The following DPYSL3 variants were observed in gnomAD, a reference collection of about 807,000 sequenced individuals.
DPYSL3 encodes dihydropyrimidinase-related protein 3.
In DPYSL3, 16 loss-of-function variants were observed where a neutral mutation model predicts 66.1. That is an observed-to-expected ratio of 0.24 (90% CI 0.16 to 0.37). DPYSL3 has a LOEUF of 0.37. Among genes scored for constraint, DPYSL3 ranks in the 10% least tolerant of loss-of-function variants. The probability of loss-of-function intolerance (pLI) is 1.00; values close to 1 mark genes in which losing one functional copy is unlikely to be tolerated. For missense variants in DPYSL3, 738 were observed against 916.2 expected (o/e 0.81, Z 2.51); for synonymous variants, 338 against 345.1 (o/e 0.98, Z 0.23).
intron 1 of DPYSL3, among the ~76,000 whole-genome samples, chr5:147,469,290 T>A (rs755791253): frequency 3.3e-5 from 5 of 152,234 alleles, no homozygotes; most frequent in Admixed American, 6.5e-5. Context: ...AGAGGCCACT[T>A]GTTGCCCTGA....
intron 1 of DPYSL3, among the ~76,000 whole-genome samples, chr5:147,443,712 T>G (rs1752577002): frequency 6.6e-6 from 1 of 152,088 alleles, no homozygotes; most frequent in African/African-American, 2.4e-5. Flanking sequence ...AAGATATATT[T>G]AAGAGAATGG....
intron 2 of DPYSL3, among the ~76,000 whole-genome samples, chr5:147,421,720 T>A (rs896168212): frequency 2.0e-5 from 3 of 152,178 alleles, no homozygotes; most frequent in African/African-American, 7.2e-5. Context: ...TCTACAACTA[T>A]TTGATCCTTG....
intron 13 of DPYSL3, 47 bp from the exon 14 acceptor site, chr5:147,394,170 C>T (rs779961117): frequency 2.0e-5 from 32 of 1,590,808 alleles, no homozygotes; most frequent in African/African-American, 1.1e-4. Context: ...AACAGAGTGG[C>T]GGGTAGGGGG....
At chr5:147,413,294 T>C (rs1751893846) in intron 5 of DPYSL3, among the ~76,000 whole-genome samples, 1 of 152,182 alleles carries the variant, frequency 6.6e-6, no homozygotes, top group Non-Finnish European at 1.5e-5. Context: ...CCTCACACTT[T>C]CACTGGGCTT....
At chr5:147,493,017 T>C (rs1446631182) in intron 1 of DPYSL3, among the ~76,000 whole-genome samples, 1 of 152,146 alleles carries the variant, frequency 6.6e-6, no homozygotes, top group Non-Finnish European at 1.5e-5. Context: ...ATGCTAACAC[T>C]AATCAAAAGA....
Position 147,393,880 on chromosome 5 carries a change from G to A in DPYSL3, c.*155C>T. ...AAGCAATATTCGTAAAGCTAGGCAAGCGAGCGTAACATTGGAGAAACATAA... is the reference window on the plus strand; with the variant it reads ...AAGCAATATTCGTAAAGCTAGGCAAACGAGCGTAACATTGGAGAAACATAA... On this transcript the variant is annotated 3_prime_UTR_variant, in exon 14 of 14. Coordinates refer to ENST00000343218, the MANE Select transcript of DPYSL3 (RefSeq NM_001197294.2). The A allele has an allele frequency of 2.7e-6, 2 of 748,242 alleles. No individual in the cohort carries two copies. Among genetic ancestry groups the A allele is most frequent in the Non-Finnish European group, 4.4e-6 (2 of 456,074 alleles). The allele number at this position is 748,242 out of a possible 1,614,324, so 46.4% of individuals were successfully genotyped here. A position where few individuals can be genotyped will look rare whatever the true frequency, so the allele number is the denominator to read the frequency against.
intron 1 of DPYSL3, among the ~76,000 whole-genome samples, chr5:147,437,552 C>A (rs1752434964): frequency 6.6e-6 from 1 of 152,188 alleles, no homozygotes; most frequent in South Asian, 2.1e-4. Flanking sequence ...GAACACTCAG[C>A]TGTGGTGCTC....
intron 4 of DPYSL3, among the ~76,000 whole-genome samples, chr5:147,414,813 C>A (rs547610860): frequency 6.6e-6 from 1 of 152,000 alleles, no homozygotes; most frequent in Non-Finnish European, 1.5e-5. Context: ...CCCTGCCATC[C>A]CAGGGCACAC....
At chr5:147,394,305 G>T (rs537854838) in intron 13 of DPYSL3, among the ~76,000 whole-genome samples, 182 bp from the exon 14 acceptor site, 2 of 152,106 alleles carry the variant, frequency 1.3e-5, no homozygotes, top group Non-Finnish European at 2.9e-5. Context: ...TTATGGCCCC[G>T]AAAACTAGCC....
At chr5:147,459,557 A>T (rs1752901903) in intron 1 of DPYSL3, among the ~76,000 whole-genome samples, 1 of 152,208 alleles carries the variant, frequency 6.6e-6, no homozygotes, top group Non-Finnish European at 1.5e-5. Flanking sequence ...CATTGAATAC[A>T]GAAATAAACT....
chr5:147,426,444 G>C (rs544262672), intron 1 of DPYSL3, among the ~76,000 whole-genome samples: 2 of 152,212 alleles, frequency 1.3e-5, no homozygotes, highest in Non-Finnish European at 2.9e-5. Context: ...AAAATACACT[G>C]AGACATATGT....
In DPYSL3 at chr5:147,395,642, G is replaced by A. The variant is rs1259355479; in HGVS notation, c.1883C>T (p.Thr628Ile). Reference protein sequence around the residue: ...FDLTTTPKGGTPAGSARGSPT... With the variant: ...FDLTTTPKGGIPAGSARGSPT... ...AGAGCCCCGAGCAGAGCCTGCGGGG[G>A]TGCCACCTTTGGGGGTGGTGGTCAG... The change falls in exon 13 of 14, where the codon ACC becomes ATC. Residue 628 changes from threonine (T) to isoleucine (I), a missense_variant. Physicochemically the swap from Thr to Ile is moderately conservative, Grantham distance 89 (BLOSUM62 -1). Coordinates refer to ENST00000343218, the MANE Select transcript of DPYSL3 (RefSeq NM_001197294.2). 3 of 1,613,998 alleles carry A rather than the reference G, an allele frequency of 1.9e-6. No individual in the cohort carries two copies. In the Admixed American group the frequency reaches 5.0e-5, roughly 27 times the overall value.
chr5:147,400,414 A>C (rs910440106), intron 10 of DPYSL3, among the ~76,000 whole-genome samples: 2 of 152,248 alleles, frequency 1.3e-5, no homozygotes, highest in African/African-American at 4.8e-5. Context: ...TTTTAAGTAC[A>C]GGCTATTCGT....
chr5:147,420,504 G>C (rs893416272), intron 2 of DPYSL3, among the ~76,000 whole-genome samples: 1 of 152,156 alleles, frequency 6.6e-6, no homozygotes, highest in South Asian at 2.1e-4. Flanking sequence ...GGGGAAGACA[G>C]CATGATGATT....
intron 1 of DPYSL3, among the ~76,000 whole-genome samples, chr5:147,468,142 G>A (rs1753037270): frequency 6.6e-6 from 1 of 152,200 alleles, no homozygotes. Flanking sequence ...AAAGGTGCTA[G>A]TTAATAGAAC....
intron 2 of DPYSL3, among the ~76,000 whole-genome samples, chr5:147,424,202 C>A (rs115928744): frequency 0.02 from 3,079 of 152,236 alleles, 45 homozygotes; most frequent in Middle Eastern, 0.041. Context: ...AAAAATAAAA[C>A]TAAAAGAGGC....
chr5:147,472,481 A>G (rs1186418061), intron 1 of DPYSL3, among the ~76,000 whole-genome samples: 2 of 152,100 alleles, frequency 1.3e-5, no homozygotes, highest in South Asian at 4.1e-4. Flanking sequence ...TTTGCTTCCA[A>G]CCTCTTTGGG....
chr5:147,401,468 T>C (rs932325786), intron 9 of DPYSL3, 72 bp downstream of exon 9: 2 of 1,496,178 alleles, frequency 1.3e-6, no homozygotes, highest in Admixed American at 2.2e-5. Flanking sequence ...GGACTGCTCC[T>C]GTCCTCAACC....
chr5:147,485,001 A>T (rs1054454277), intron 1 of DPYSL3, among the ~76,000 whole-genome samples: 2 of 152,092 alleles, frequency 1.3e-5, no homozygotes, highest in Non-Finnish European at 2.9e-5. Context: ...ATATTTGTAT[A>T]TTTTCCTACA....
Sources: gnomAD v4.1 joint callset for allele counts (sites outside exome capture counted in the v4.1 genomes callset) on GRCh38, gnomAD v4.1.1 for gene constraint, MANE v1.5 for transcripts, NCBI Gene and HGNC (gene_info 2026-07-23, HGNC 2026-07-21) for gene names.